Variants in AKT3 observed in about 807,000 individuals in gnomAD.
AKT3 encodes AKT serine/threonine kinase 3.
AKT3 carries 15 observed loss-of-function variants against 65.3 expected under a neutral mutation model. The ratio of observed to expected loss-of-function variants is 0.23; its 90% CI spans 0.15 to 0.35. AKT3 has a LOEUF of 0.35. AKT3 is among the 10% of genes least tolerant of loss of function. AKT3 has a pLI of 1.00. For synonymous variants in AKT3, 206 were observed against 183.8 expected, an observed-to-expected ratio of 1.12 and a Z score of -0.98; for missense variants, 243 against 576.5, an observed-to-expected ratio of 0.42 and a Z score of 5.92.
At chr1:243,717,984 G>A (rs1393227621) in intron 2 of AKT3, among the ~76,000 whole-genome samples, 1 of 152,142 alleles carries the variant, frequency 6.6e-6, no homozygotes, top group East Asian at 1.9e-4. Context: ...TGCTGAATAT[G>A]CAACATTTCT....
chr1:243,499,192 A>AGCT (rs1668862584), downstream of AKT3, among the ~76,000 whole-genome samples: 2 of 152,202 alleles, frequency 1.3e-5, no homozygotes, highest in Non-Finnish European at 2.9e-5. Context: ...ATCTGCGTAA[A>AGCT]ACTAAGAGAC....
chr1:243,789,084 G>A (rs1201860159), intron 2 of AKT3, among the ~76,000 whole-genome samples: 2 of 152,216 alleles, frequency 1.3e-5, no homozygotes, highest in African/African-American at 4.8e-5. Flanking sequence ...TCATCCATAA[G>A]AAGCAATGCC....
chr1:243,670,862 T>C (rs910565859), intron 3 of AKT3, among the ~76,000 whole-genome samples: 2 of 152,140 alleles, frequency 1.3e-5, no homozygotes, highest in East Asian at 3.9e-4. Flanking sequence ...TGTACAAAGC[T>C]GTAATTACTC....
intron 2 of AKT3, among the ~76,000 whole-genome samples, chr1:243,780,965 C>T (rs890553257): frequency 1.3e-5 from 2 of 151,864 alleles, no homozygotes; most frequent in Non-Finnish European, 2.9e-5. Flanking sequence ...AGGAATTACA[C>T]CAAAAATGTT....
chr1:243,654,822 C>T (rs1377240408), intron 4 of AKT3, among the ~76,000 whole-genome samples: 1 of 152,082 alleles, frequency 6.6e-6, no homozygotes, highest in Non-Finnish European at 1.5e-5. Context: ...CTACATGCTG[C>T]TGCTCTGAAA....
intron 2 of AKT3, among the ~76,000 whole-genome samples, chr1:243,784,608 A>G (rs1572344088): frequency 6.6e-6 from 1 of 152,178 alleles, no homozygotes; most frequent in African/African-American, 2.4e-5. Context: ...GCTCACATCC[A>G]CAGCCGGTGC....
intron 3 of AKT3, among the ~76,000 whole-genome samples, chr1:243,681,673 G>C (rs1372813864): frequency 6.6e-6 from 1 of 152,148 alleles, no homozygotes; most frequent in East Asian, 1.9e-4. Context: ...CGTATTACTT[G>C]AAGAGAGCTG....
At chr1:243,803,948 G>A (rs1281570118) in intron 2 of AKT3, among the ~76,000 whole-genome samples, 3 of 152,146 alleles carry the variant, frequency 2.0e-5, no homozygotes, top group Non-Finnish European at 4.4e-5. Flanking sequence ...AGTGAGCCGT[G>A]ATGACGTTGC....
chr1:243,750,315 C>T (rs1439872974), intron 2 of AKT3, among the ~76,000 whole-genome samples: 2 of 151,854 alleles, frequency 1.3e-5, no homozygotes, highest in Admixed American at 6.6e-5. Context: ...TTAGATGTGT[C>T]CTAAGGTTTT....
At chr1:243,696,274 C>T (rs1359091835) in intron 2 of AKT3, among the ~76,000 whole-genome samples, 8 of 151,524 alleles carry the variant, frequency 5.3e-5, no homozygotes, top group East Asian at 1.9e-4. Flanking sequence ...CTTAAGAAAA[C>T]GAAAGAACAT....
chr1:243,658,555 T>C (rs1243918453), intron 4 of AKT3, among the ~76,000 whole-genome samples: 2 of 152,138 alleles, frequency 1.3e-5, no homozygotes, highest in Non-Finnish European at 2.9e-5. Flanking sequence ...CAGAAAACAG[T>C]ATGAAGATTC....
intron 12 of AKT3, among the ~76,000 whole-genome samples, chr1:243,518,321 C>A (rs770611388): frequency 8.6e-5 from 13 of 152,034 alleles, no homozygotes; most frequent in Non-Finnish European, 1.6e-4. Flanking sequence ...GGAACATTGT[C>A]GGGTAGGGCT....
intron 12 of AKT3, among the ~76,000 whole-genome samples, chr1:243,536,864 G>A (rs1671972150): frequency 6.6e-6 from 1 of 152,108 alleles, no homozygotes; most frequent in Non-Finnish European, 1.5e-5. Flanking sequence ...TTAAAAGTGG[G>A]CCATTATTTG....
chr1:243,541,369 A>C (rs551581902), intron 12 of AKT3, among the ~76,000 whole-genome samples: 1 of 152,264 alleles, frequency 6.6e-6, no homozygotes, highest in South Asian at 2.1e-4. Context: ...TTTATTACTG[A>C]AATTGTTTCA....
intron 2 of AKT3, among the ~76,000 whole-genome samples, chr1:243,797,313 T>C (rs1197583231): frequency 2.0e-5 from 3 of 152,132 alleles, no homozygotes; most frequent in African/African-American, 7.2e-5. Context: ...TCACAGAACT[T>C]AGCACTATAT....
At chr1:243,809,147 C>A (rs1448513466) in intron 2 of AKT3, among the ~76,000 whole-genome samples, 2 of 152,166 alleles carry the variant, frequency 1.3e-5, no homozygotes, top group Non-Finnish European at 2.9e-5. Flanking sequence ...AACCAGCTAA[C>A]ATCATAATGA....
chr1:243,756,529 T>C (rs1689151738), intron 2 of AKT3, among the ~76,000 whole-genome samples: 1 of 152,322 alleles, frequency 6.6e-6, no homozygotes, highest in Non-Finnish European at 1.5e-5. Flanking sequence ...TATGACTCAT[T>C]TGTTGAATAA....
chr1:243,787,781 C>T (rs1691358907), intron 2 of AKT3, among the ~76,000 whole-genome samples: 1 of 152,134 alleles, frequency 6.6e-6, no homozygotes, highest in Non-Finnish European at 1.5e-5. Context: ...AGAAGTCTCT[C>T]CCTGTCTTCA....
Position 243,775,802 on chromosome 1 carries a change from T to C in AKT3, c.46+67323A>G, listed in dbSNP as rs115106343. Among the ~76,000 whole-genome samples, 811 of 152,242 alleles carry C rather than the reference T, an allele frequency of 5.3e-3. 9 individuals carry two copies. The highest frequency in any genetic ancestry group is 0.019 in the African/African-American group (780 of 41,536). On this transcript the variant is annotated intron_variant, in intron 2 of 13. Coordinates refer to ENST00000673466, the MANE Select transcript of AKT3 (RefSeq NM_005465.7). ...CTTTACAAAATCCAGCAAAATAAAT[T>C]TAGTATTATTTATAGACATAAAAAT... is the stretch of plus-strand genomic sequence containing the variant.
Sources: gnomAD v4.1 joint callset for allele counts (sites outside exome capture counted in the v4.1 genomes callset) on GRCh38, gnomAD v4.1.1 for gene constraint, MANE v1.5 for transcripts, NCBI Gene and HGNC (gene_info 2026-07-23, HGNC 2026-07-21) for gene names.